The following SOX6 variants were observed in gnomAD, a reference collection of about 807,000 sequenced individuals.
The protein encoded by SOX6 is transcription factor SOX-6.
In SOX6, 11 loss-of-function variants were observed where a neutral mutation model predicts 97.8. The ratio of observed to expected loss-of-function variants is 0.11; its 90% CI spans 0.07 to 0.19. The LOEUF is 0.19. Among genes scored for constraint, SOX6 ranks in the 10% least tolerant of loss-of-function variants. SOX6 has a pLI of 1.00. For synonymous variants in SOX6, 360 were observed against 371.4 expected (o/e 0.97, Z 0.35); for missense variants, 810 against 1,039.5 (o/e 0.78, Z 3.04).
At chr11:16,506,014 C>T (rs1304620378) in intron 4 of SOX6, among the ~76,000 whole-genome samples, 1 of 152,204 alleles carries the variant, frequency 6.6e-6, no homozygotes, top group East Asian at 1.9e-4. Context: ...AGCATGGATG[C>T]AAAATGTAGG....
intron 1 of SOX6, among the ~76,000 whole-genome samples, chr11:16,470,875 G>C (rs1369145415): frequency 1.3e-5 from 2 of 152,044 alleles, no homozygotes; most frequent in Admixed American, 6.5e-5. Flanking sequence ...TTAATATTCT[G>C]TTGGTATTAT....
At chr11:16,494,849 A>C (rs1338307772) in intron 4 of SOX6, among the ~76,000 whole-genome samples, 1 of 152,152 alleles carries the variant, frequency 6.6e-6, no homozygotes, top group African/African-American at 2.4e-5. Flanking sequence ...CTTGGTGGGC[A>C]CTGAGACTAA....
At chr11:16,484,773 G>A in intron 4 of SOX6, 1 of 387,850 alleles carries the variant, frequency 2.6e-6, no homozygotes, top group South Asian at 3.4e-5. Context: ...AATAGAAGTT[G>A]TCAAAGTTGA....
intron 3 of SOX6, among the ~76,000 whole-genome samples, chr11:16,243,611 CT>C (rs1853256246): frequency 6.6e-6 from 1 of 151,618 alleles, no homozygotes; most frequent in Admixed American, 6.6e-5. Flanking sequence ...TAGCTCCACC[CT>C]CCCGAAAGAA....
At chr11:16,187,048 A>C (rs1415780711) in intron 4 of SOX6, 93 bp from the exon 5 acceptor site, 10 of 1,345,228 alleles carry the variant, frequency 7.4e-6, no homozygotes, top group Non-Finnish European at 9.6e-6. Flanking sequence ...GACTATCCTA[A>C]GACATTTAAA....
chr11:16,004,623 G>A (rs1366993050), intron 13 of SOX6, among the ~76,000 whole-genome samples: 1 of 151,862 alleles, frequency 6.6e-6, no homozygotes, highest in African/African-American at 2.4e-5. Flanking sequence ...GAAAGTATTT[G>A]AAAAGTGCCT....
In SOX6 at chr11:16,289,556, T is replaced by G. The variant is rs559621463; in HGVS notation, c.445+28890A>C. ...ACTTAAAGAAATGAACACGTCAGATTAGATAAACCAGACAGCTGCTAACAA... is the reference window on the plus strand; with the variant it reads ...ACTTAAAGAAATGAACACGTCAGATGAGATAAACCAGACAGCTGCTAACAA... On this transcript the variant is annotated intron_variant, in intron 3 of 15. Coordinates refer to ENST00000683767, the MANE Select transcript of SOX6 (RefSeq NM_001367873.1). Among the ~76,000 whole-genome samples, 9 of 152,114 alleles carry G rather than the reference T, an allele frequency of 5.9e-5. No individual in the cohort carries two copies. In the South Asian group the frequency reaches 1.9e-3, roughly 32 times the overall value.
At chr11:16,514,080 A>G (rs1860923204) in intron 4 of SOX6, among the ~76,000 whole-genome samples, 1 of 151,928 alleles carries the variant, frequency 6.6e-6, no homozygotes, top group South Asian at 2.1e-4. Flanking sequence ...GCCAAACATG[A>G]TAGCACATTT....
intron 6 of SOX6, among the ~76,000 whole-genome samples, chr11:16,158,554 A>C (rs1157324696): frequency 1.3e-5 from 2 of 152,014 alleles, no homozygotes; most frequent in African/African-American, 2.4e-5. Context: ...ATGATGACTA[A>C]ATGTGTATGC....
intron 4 of SOX6, among the ~76,000 whole-genome samples, chr11:16,593,815 A>G (rs1427952266): frequency 6.6e-6 from 1 of 152,200 alleles, no homozygotes; most frequent in Non-Finnish European, 1.5e-5. Flanking sequence ...ATAAATTGTA[A>G]ATGGTAGAAC....
At chr11:15,974,993 T>A (rs1249975565) in intron 15 of SOX6, among the ~76,000 whole-genome samples, 2 of 152,106 alleles carry the variant, frequency 1.3e-5, no homozygotes, top group African/African-American at 4.8e-5. Flanking sequence ...TTGAATCCCA[T>A]CACTCTTTCC....
intron 3 of SOX6, among the ~76,000 whole-genome samples, chr11:16,681,939 A>G (rs1426234283): frequency 6.6e-6 from 1 of 152,236 alleles, no homozygotes; most frequent in African/African-American, 2.4e-5. Flanking sequence ...GAATAGACCA[A>G]TAACAGGTTC....
In SOX6 at chr11:16,036,742, T is replaced by C. The variant is rs138230143; in HGVS notation, c.1623+9772A>G. Among the ~76,000 whole-genome samples the C allele has an allele frequency of 1.1e-3, 167 of 152,264 alleles. 1 individual carries two copies. The highest frequency in any genetic ancestry group is 3.6e-3 in the African/African-American group (148 of 41,574). On this transcript the variant is annotated intron_variant, in intron 12 of 15. Transcript: ENST00000683767. ...GCTTTTAAGCAGAGCACCCTCCTCT[T>C]AGCTCAGAAAAATCCAGATGGACCC...
chr11:16,153,904 C>T (rs947091955), intron 6 of SOX6, among the ~76,000 whole-genome samples: 9 of 151,952 alleles, frequency 5.9e-5, no homozygotes, highest in African/African-American at 2.2e-4. Flanking sequence ...CTGGAGAGTA[C>T]CACACAATCT....
intron 10 of SOX6, among the ~76,000 whole-genome samples, chr11:16,054,994 T>C (rs1590164033): frequency 6.6e-6 from 1 of 152,128 alleles, no homozygotes; most frequent in Non-Finnish European, 1.5e-5. Flanking sequence ...TCTATTAATG[T>C]CCCAGACATA....
chr11:16,146,467 A>G (rs1295804071), intron 6 of SOX6, among the ~76,000 whole-genome samples: 1 of 152,240 alleles, frequency 6.6e-6, no homozygotes, highest in African/African-American at 2.4e-5. Flanking sequence ...CTAAAACACC[A>G]AAAGCAATGG....
chr11:16,394,108 A>G (rs552650722), intron 1 of SOX6, among the ~76,000 whole-genome samples: 2 of 152,134 alleles, frequency 1.3e-5, no homozygotes, highest in African/African-American at 4.8e-5. Context: ...GAATCTACTG[A>G]CTTTTCATCT....
At chr11:16,061,096 G>C (rs1213888291) in intron 9 of SOX6, among the ~76,000 whole-genome samples, 2 of 151,474 alleles carry the variant, frequency 1.3e-5, no homozygotes, top group Non-Finnish European at 3.0e-5. Context: ...ATGATATTAA[G>C]GTTAAAAAAT....
chr11:16,037,270 G>A (rs971344626), intron 12 of SOX6, among the ~76,000 whole-genome samples: 18 of 152,164 alleles, frequency 1.2e-4, no homozygotes, highest in African/African-American at 4.3e-4. Flanking sequence ...TTAATTTGGA[G>A]GTTGGGAATT....
Sources: gnomAD v4.1 joint callset for allele counts (sites outside exome capture counted in the v4.1 genomes callset) on GRCh38, gnomAD v4.1.1 for gene constraint, MANE v1.5 for transcripts, NCBI Gene and HGNC (gene_info 2026-07-23, HGNC 2026-07-21) for gene names.